FAM83B: variants seen among roughly 807,000 people sequenced by gnomAD.
FAM83B encodes protein FAM83B.
In FAM83B, 26 loss-of-function variants were observed where a neutral mutation model predicts 38.8. That is an observed-to-expected ratio of 0.67 (90% CI 0.49 to 0.93). FAM83B has a LOEUF of 0.93. Among genes scored for constraint, FAM83B ranks in the 40% least tolerant of loss-of-function variants. FAM83B has a pLI of 0.00. For synonymous variants in FAM83B, 419 were observed against 423.1 expected (o/e 0.99, Z 0.12); for missense variants, 1,237 against 1,197.3 (o/e 1.03, Z -0.49).
At chr6:54,865,366 A>G (rs1161035421) in intron 1 of FAM83B, among the ~76,000 whole-genome samples, 1 of 152,076 alleles carries the variant, frequency 6.6e-6, no homozygotes, top group Non-Finnish European at 1.5e-5. Flanking sequence ...CTCTCTCCTT[A>G]TAGACACAAG....
At chr6:54,866,393 A>G (rs1431142851) in intron 1 of FAM83B, among the ~76,000 whole-genome samples, 4 of 152,094 alleles carry the variant, frequency 2.6e-5, no homozygotes, top group Non-Finnish European at 5.9e-5. Flanking sequence ...ATCGTAACCA[A>G]TATGCTGATA....
intron 2 of FAM83B, among the ~76,000 whole-genome samples, chr6:54,888,226 G>C (rs954000480): frequency 6.8e-6 from 1 of 146,620 alleles, no homozygotes; most frequent in Non-Finnish European, 1.5e-5. Flanking sequence ...CTTGCATCTT[G>C]GTCATTGTCA....
At chr6:54,923,848 G>A (rs1394705931) in intron 2 of FAM83B, among the ~76,000 whole-genome samples, 2 of 150,818 alleles carry the variant, frequency 1.3e-5, no homozygotes, top group African/African-American at 4.9e-5. Context: ...TACTTTCTGT[G>A]CTATAATTTT....
At chr6:54,894,169 A>G (rs2127580919) in intron 2 of FAM83B, among the ~76,000 whole-genome samples, 1 of 152,360 alleles carries the variant, frequency 6.6e-6, no homozygotes, top group Non-Finnish European at 1.5e-5. Flanking sequence ...TTGTGCTTTC[A>G]TCACATAAAT....
chr6:54,905,246 G>A (rs1772752837), intron 2 of FAM83B, among the ~76,000 whole-genome samples: 1 of 152,176 alleles, frequency 6.6e-6, no homozygotes, highest in East Asian at 1.9e-4. Flanking sequence ...TAGTGGTAAA[G>A]TCTTAGCTTT....
rs778898993 is a variant in FAM83B, at chr6:54,944,560, C to A, written c.*2553C>A. ...TCAGGTATGGGTATATGTTGTCAGT[C>A]TACACTTGTGGAAGCAAATATCTTG... On this transcript the variant is annotated 3_prime_UTR_variant, in exon 5 of 5. Transcript: ENST00000306858. The A allele has an allele frequency of 6.6e-6, 1 of 152,122 alleles. No individual in the cohort carries two copies. The highest frequency in any genetic ancestry group is 1.5e-5 in the Non-Finnish European group (1 of 68,036). 9.4% of individuals were successfully genotyped at this position (152,122 alleles called of 1,614,324 possible).
Position 54,939,703 on chromosome 6 carries a change from C to T in FAM83B, c.735-3C>T. ...ATTAAAATTTTTCCATTTTTTTCCC[C>T]AGTTATATGTGGTCATTTGAGAAAG... On this transcript the variant is annotated splice_region_variant and splice_polypyrimidine_tract_variant and intron_variant, in intron 4 of 4. Transcript: ENST00000306858. 3.2e-6 allele frequency: 5 copies of T among 1,548,652 alleles called. No homozygotes were observed. Among genetic ancestry groups the T allele is most frequent in the South Asian group, 1.2e-5 (1 of 81,028 alleles).
At chr6:54,883,565 A>G (rs1413868678) in intron 2 of FAM83B, among the ~76,000 whole-genome samples, 1 of 135,450 alleles carries the variant, frequency 7.4e-6, no homozygotes, top group Non-Finnish European at 1.6e-5. Context: ...CGAACTCTCA[A>G]CCTCAGGTGA....
At chr6:54,925,712 G>A (rs1419945670) in intron 2 of FAM83B, among the ~76,000 whole-genome samples, 1 of 151,804 alleles carries the variant, frequency 6.6e-6, no homozygotes, top group Non-Finnish European at 1.5e-5. Flanking sequence ...GTATTTAAGG[G>A]GTGTGAAACT....
At chr6:54,848,699 A>G (rs559003662) in intron 1 of FAM83B, among the ~76,000 whole-genome samples, 3 of 152,284 alleles carry the variant, frequency 2.0e-5, no homozygotes, top group Admixed American at 6.5e-5. Flanking sequence ...CTTGTTTCCC[A>G]TTTAATTACA....
At chr6:54,851,233 C>A (rs1378905168) in intron 1 of FAM83B, among the ~76,000 whole-genome samples, 2 of 150,716 alleles carry the variant, frequency 1.3e-5, no homozygotes, top group Admixed American at 6.6e-5. Context: ...TCCTTTGTAT[C>A]CTCCTTTTGT....
chr6:54,922,196 A>T (rs553884910), intron 2 of FAM83B, among the ~76,000 whole-genome samples: 44 of 152,024 alleles, frequency 2.9e-4, no homozygotes, highest in Non-Finnish European at 5.3e-4. Flanking sequence ...TATGTATCCT[A>T]GTAATGTGTT....
Position 54,941,303 on chromosome 6 carries a change from T to C in FAM83B, c.2332T>C (p.Leu778=). The C allele has an allele frequency of 6.2e-7, 1 of 1,611,342 alleles. No homozygotes were observed. The highest frequency in any genetic ancestry group is 8.5e-7 in the Non-Finnish European group (1 of 1,179,390). ...AAAGGGGTCTCAGAAGTTAAGGTCA[T>C]TACTTAGCCTTACCCCAGATAAGAA... ...LKKGSQKLRS[L]LSLTPDKKEN... The change falls in exon 5 of 5, where the codon TTA becomes CTA. Residue 778 remains leucine (L), a synonymous_variant. Coordinates refer to ENST00000306858, the MANE Select transcript of FAM83B (RefSeq NM_001010872.3).
In FAM83B at chr6:54,940,166, T is replaced by C. The variant is rs1773632333; in HGVS notation, c.1195T>C (p.Tyr399His). Residue 399 changes from tyrosine to histidine, a missense_variant, in exon 5 of 5, where the codon TAC (tyrosine) becomes CAC (histidine). Coordinates refer to ENST00000306858, the MANE Select transcript of FAM83B (RefSeq NM_001010872.3). ...TGGGGAACAGCCAGAAACAGTGCCA[T>C]ACCTCCTGCTTAATAGGGCTCTGAA... The part of the protein sequence containing the change: ...YAGEQPETVP[Y>H]LLLNRALNRT... The C allele has an allele frequency of 2.5e-6, 4 of 1,613,928 alleles. No individual in the cohort carries two copies. Among genetic ancestry groups the C allele is most frequent in the South Asian group, 1.1e-5 (1 of 91,084 alleles).
intron 1 of FAM83B, among the ~76,000 whole-genome samples, chr6:54,860,738 G>A (rs1055547473): frequency 1.3e-5 from 2 of 152,186 alleles, no homozygotes; most frequent in Admixed American, 1.3e-4. Context: ...GTAAGTGTGT[G>A]TATAAATATA....
At chr6:54,848,071 A>G (rs1771182361) in intron 1 of FAM83B, among the ~76,000 whole-genome samples, 1 of 139,888 alleles carries the variant, frequency 7.1e-6, no homozygotes, top group Admixed American at 7.1e-5. Context: ...GAGACTTAGA[A>G]GAGAAAACTG....
intron 2 of FAM83B, among the ~76,000 whole-genome samples, chr6:54,907,520 A>G (rs1218739867): frequency 6.6e-6 from 1 of 152,098 alleles, no homozygotes; most frequent in East Asian, 1.9e-4. Context: ...TTCAATTTCT[A>G]TACTTAACAT....
chr6:54,892,837 C>A (rs1335736324), intron 2 of FAM83B, among the ~76,000 whole-genome samples: 1 of 152,012 alleles, frequency 6.6e-6, no homozygotes, highest in Non-Finnish European at 1.5e-5. Flanking sequence ...CTCTTAAGTG[C>A]GGATGGGGCT....
At position 54,918,859 on chromosome 6, in the gene FAM83B, C is replaced by G. The variant is rs373384280; in HGVS notation, c.445-7512C>G. 1.7e-3 allele frequency among the ~76,000 whole-genome samples: 252 copies of G among 152,152 alleles called. 2 individuals carry two copies. Among genetic ancestry groups the G allele is most frequent in the African/African-American group, 5.7e-3 (237 of 41,506 alleles). On this transcript the variant is annotated intron_variant, in intron 2 of 4. Coordinates refer to ENST00000306858, the MANE Select transcript of FAM83B (RefSeq NM_001010872.3). ...GCCTCCTCTCTGTCTTCCAGCATCC[C>G]CTCAAATGGTGTAACTCCCCGCAGA...
Sources: gnomAD v4.1 joint callset for allele counts (sites outside exome capture counted in the v4.1 genomes callset) on GRCh38, gnomAD v4.1.1 for gene constraint, MANE v1.5 for transcripts, NCBI Gene and HGNC (gene_info 2026-07-23, HGNC 2026-07-21) for gene names.